Variants in UGT2B4 observed in about 807,000 individuals in gnomAD.
UGT2B4 encodes UDP-glucuronosyltransferase 2B4.
In UGT2B4, 49 loss-of-function variants were observed where a neutral mutation model predicts 49.8. That is an observed-to-expected ratio of 0.98 (90% CI 0.78 to 1.25). The LOEUF (loss-of-function observed/expected upper bound fraction) is 1.25, where lower values mean the gene tolerates loss of function less well. Ranked by LOEUF, UGT2B4 falls within the 50% of genes most tolerant of loss-of-function variation. UGT2B4 has a pLI of 0.00. For missense variants in UGT2B4, 729 were observed against 627.7 expected (o/e 1.16, Z -1.73); for synonymous variants, 246 against 217.7 (o/e 1.13, Z -1.14).
At position 69,481,091 on chromosome 4, in the gene UGT2B4, G is replaced by GAAAAAAAAAAAA. The variant is rs57494102; in HGVS notation, c.1311-193_1311-182dup. On this transcript the variant is annotated intron_variant, in intron 5 of 5. Coordinates refer to ENST00000305107, the MANE Select transcript of UGT2B4 (RefSeq NM_021139.3). ...GTCACCCCGTCTCCAGTAAAAATAT[G>GAAAAAAAAAAAA]AAAAAAAAAAAAAAAAAAAAAAAAA... 7.4e-5 allele frequency among the ~76,000 whole-genome samples: 5 copies of GAAAAAAAAAAAA among 67,814 alleles called. 1 individual carries two copies. Among genetic ancestry groups the GAAAAAAAAAAAA allele is most frequent in the East Asian group, 9.5e-4 (2 of 2,100 alleles). The allele number at this position is 67,814 out of a possible 152,430, so 44.5% of individuals were successfully genotyped here.
chr4:69,514,032 A>G (rs1328610507), intron 1 of UGT2B4, among the ~76,000 whole-genome samples: 1 of 151,298 alleles, frequency 6.6e-6, no homozygotes. Context: ...ACTATCCCTA[A>G]TGCCTAGAAT....
intron 1 of UGT2B4, among the ~76,000 whole-genome samples, chr4:69,523,999 T>G (rs1728905198): frequency 6.6e-6 from 1 of 152,098 alleles, no homozygotes; most frequent in Non-Finnish European, 1.5e-5. Flanking sequence ...CTCAACATAT[T>G]TCAGGCTTCA....
intron 2 of UGT2B4, among the ~76,000 whole-genome samples, chr4:69,490,756 C>T (rs1260735848): frequency 6.6e-6 from 1 of 152,038 alleles, no homozygotes; most frequent in East Asian, 1.9e-4. Flanking sequence ...ATGTTAGAGT[C>T]ATTGTTCTGC....
chr4:69,498,533 G>A (rs923065935), upstream of UGT2B4, among the ~76,000 whole-genome samples: 3 of 151,524 alleles, frequency 2.0e-5, no homozygotes, highest in Middle Eastern at 3.4e-3. Context: ...GATTGGTAGG[G>A]TATTTATTAC....
chr4:69,522,632 T>C (rs1577907561), intron 1 of UGT2B4, among the ~76,000 whole-genome samples: 1 of 152,194 alleles, frequency 6.6e-6, no homozygotes, highest in East Asian at 1.9e-4. Flanking sequence ...TGGAAGATTT[T>C]TGCCTCCGTA....
intron 1 of UGT2B4, among the ~76,000 whole-genome samples, chr4:69,501,256 G>A (rs113741328): frequency 1.4e-5 from 2 of 139,586 alleles, no homozygotes; most frequent in Non-Finnish European, 3.1e-5. Context: ...CCGGGGGCGG[G>A]TGGAAGGAAT....
chr4:69,494,683 A>G (rs1363981221), intron 1 of UGT2B4, among the ~76,000 whole-genome samples: 2 of 152,160 alleles, frequency 1.3e-5, no homozygotes, highest in African/African-American at 2.4e-5. Flanking sequence ...TTCTAGTAAC[A>G]TGGGTACATA....
intron 2 of UGT2B4, among the ~76,000 whole-genome samples, chr4:69,492,951 C>T (rs1191221621): frequency 6.6e-6 from 1 of 151,970 alleles, no homozygotes; most frequent in African/African-American, 2.4e-5. Context: ...AAACTATAAT[C>T]TTATCCCATA....
chr4:69,500,625 GAAAGA>G (rs1560438380), upstream of UGT2B4, among the ~76,000 whole-genome samples: 3 of 130,294 alleles, frequency 2.3e-5, no homozygotes, highest in Non-Finnish European at 3.5e-5. Flanking sequence ...AAGAAAGAAA[GAAAGA>G]AAGAAAGAAA....
chr4:69,520,356 G>T (rs542919736), intron 1 of UGT2B4, among the ~76,000 whole-genome samples: 1 of 152,338 alleles, frequency 6.6e-6, no homozygotes, highest in African/African-American at 2.4e-5. Flanking sequence ...TGCTGAGGCT[G>T]CATGCTCCAC....
At chr4:69,503,976 T>C (rs767465958) in intron 1 of UGT2B4, among the ~76,000 whole-genome samples, 6 of 152,022 alleles carry the variant, frequency 3.9e-5, no homozygotes, top group Non-Finnish European at 7.4e-5. Flanking sequence ...AGAATGTTGG[T>C]CCCCCAAAAT....
intron 1 of UGT2B4, among the ~76,000 whole-genome samples, chr4:69,503,596 T>C (rs1728398402): frequency 6.6e-6 from 1 of 152,170 alleles, no homozygotes; most frequent in Non-Finnish European, 1.5e-5. Context: ...CCCACCCTTG[T>C]GCTAAAGCTG....
rs116063577 is a variant in UGT2B4 at position 69,517,238 on chromosome 4, C to G, written c.-106+8449G>C. 8.5e-3 allele frequency among the ~76,000 whole-genome samples: 1,294 copies of G among 152,016 alleles called. 22 individuals carry two copies. Among genetic ancestry groups the G allele is most frequent in the African/African-American group, 0.029 (1,223 of 41,488 alleles). On this transcript the variant is annotated intron_variant, in intron 1 of 1. Coordinates refer to the UGT2B4 transcript ENST00000510114. ...CTCAAATTTTTGTTTAGCCCTCCCC[C>G]CCAAGAAATATAAAGCATCCTGGGA...
Position 69,480,566 on chromosome 4 carries a change from G to C in UGT2B4, c.*68C>G. The C allele has an allele frequency of 1.9e-6, 3 of 1,539,962 alleles. No individual in the cohort carries two copies. Among genetic ancestry groups the C allele is most frequent in the South Asian group, 1.3e-5 (1 of 77,910 alleles). The stretch of plus-strand genomic sequence containing the variant: ...AGAAAGGAATCTCTTGTATCACAAC[G>C]TCTTCTTGTTGTAATAAACTAAAGG... On this transcript the variant is annotated 3_prime_UTR_variant, in exon 6 of 6. Coordinates refer to ENST00000305107, the MANE Select transcript of UGT2B4 (RefSeq NM_021139.3).
At chr4:69,504,084 G>A (rs1429039470) in intron 1 of UGT2B4, among the ~76,000 whole-genome samples, 2 of 152,122 alleles carry the variant, frequency 1.3e-5, no homozygotes, top group African/African-American at 4.8e-5. Context: ...GCAAAGGTCA[G>A]CAACCTCAAA....
At chr4:69,489,359 A>G (rs1727908690) in intron 3 of UGT2B4, 80 bp downstream of exon 3, 11 of 1,566,510 alleles carry the variant, frequency 7.0e-6, no homozygotes, top group African/African-American at 1.4e-5. Context: ...ATAGGCAGGA[A>G]GTTTCTACAA....
At position 69,486,688 on chromosome 4, in the gene UGT2B4, C is replaced by T. The variant is rs1727797204; in HGVS notation, c.1011G>A (p.Trp337Ter). 1.2e-6 allele frequency: 2 copies of T among 1,604,402 alleles called. No homozygotes were observed. Among genetic ancestry groups the T allele is most frequent in the Non-Finnish European group, 1.7e-6 (2 of 1,176,630 alleles). ...ALAKIPQKVL[W>*]RFDGNKPDTL... ...TATCTGGTTTATTCCCATCAAATCTCCACAGAACCTGTTACAGTGAAGAAA... is the reference window on the plus strand; with the variant it reads ...TATCTGGTTTATTCCCATCAAATCTTCACAGAACCTGTTACAGTGAAGAAA... The change falls in exon 4 of 6, where the codon TGG becomes TGA. Residue 337 changes from tryptophan to a stop codon, truncating the protein, a stop_gained. Coordinates refer to ENST00000305107, the MANE Select transcript of UGT2B4 (RefSeq NM_021139.3). LOFTEE classifies it high-confidence loss of function.
chr4:69,510,125 T>A (rs1728570939), intron 1 of UGT2B4, among the ~76,000 whole-genome samples: 1 of 152,218 alleles, frequency 6.6e-6, no homozygotes, highest in Non-Finnish European at 1.5e-5. Flanking sequence ...CCTCATTGAA[T>A]GTACTTGGCA....
At chr4:69,506,790 A>G (rs1728479823) in intron 1 of UGT2B4, among the ~76,000 whole-genome samples, 1 of 152,200 alleles carries the variant, frequency 6.6e-6, no homozygotes, top group African/African-American at 2.4e-5. Flanking sequence ...CTTCAAGCCA[A>G]TATCCTTGGT....
Sources: allele counts gnomAD v4.1 joint callset (sites outside exome capture counted in the v4.1 genomes callset), GRCh38; gene constraint gnomAD v4.1.1; transcripts MANE v1.5; gene names NCBI Gene and HGNC (gene_info 2026-07-23, HGNC 2026-07-21).